Variants in DOCK9 observed in about 807,000 individuals in gnomAD.
DOCK9 encodes dedicator of cytokinesis protein 9.
Under a neutral mutation model 263.3 loss-of-function variants are expected in DOCK9, and 89 were observed. The observed-to-expected ratio is 0.34, with a 90% confidence interval of 0.28 to 0.40. The LOEUF (loss-of-function observed/expected upper bound fraction) is 0.40. Ranked by LOEUF, DOCK9 falls within the 10% of genes least tolerant of loss-of-function variation. The pLI, the probability that DOCK9 is intolerant of heterozygous loss-of-function variation, is 1.00. For missense variants in DOCK9, 2,140 were observed against 2,603.4 expected (o/e 0.82, Z 3.87); for synonymous variants, 976 against 973.1 (o/e 1.00, Z -0.06).
intron 1 of DOCK9, among the ~76,000 whole-genome samples, chr13:99,020,696 T>A (rs1311898770): frequency 6.6e-6 from 1 of 152,194 alleles, no homozygotes; most frequent in East Asian, 1.9e-4. Context: ...AAAAGAGGAA[T>A]CTAGAGTGAC....
chr13:98,869,576 G>T lies in DOCK9; in HGVS notation c.2944-1199C>A, dbSNP rs371734589. Among the ~76,000 whole-genome samples the T allele has an allele frequency of 2.6e-4, 40 of 152,322 alleles. 1 individual carries two copies. The highest frequency in any genetic ancestry group is 9.6e-4 in the African/African-American group (40 of 41,578). ...GCATTTAATTCTAACAGCCACAAGA[G>T]GGGGGTATTTTCATCCCCATTTTAC... On this transcript the variant is annotated intron_variant, in intron 27 of 52. Transcript: ENST00000682017.
intron 1 of DOCK9, among the ~76,000 whole-genome samples, chr13:99,044,515 G>A (rs996022358): frequency 2.0e-5 from 3 of 152,136 alleles, no homozygotes; most frequent in African/African-American, 7.2e-5. Flanking sequence ...ACCACACCAT[G>A]GCAACCAGAA....
At chr13:98,805,390 TATAC>T (rs2090582206) in intron 48 of DOCK9, among the ~76,000 whole-genome samples, 181 bp from the exon 49 acceptor site, 1 of 152,158 alleles carries the variant, frequency 6.6e-6, no homozygotes, top group South Asian at 2.1e-4. Context: ...TTGTTTCAAA[TATAC>T]ATACACATAC....
At chr13:98,944,488 G>T (rs186945953) in intron 2 of DOCK9, among the ~76,000 whole-genome samples, 1 of 150,908 alleles carries the variant, frequency 6.6e-6, no homozygotes, top group East Asian at 2.0e-4. Flanking sequence ...CACTGATCTT[G>T]TACCCTAACT....
chr13:98,893,133 T>C (rs2046881144), intron 15 of DOCK9, among the ~76,000 whole-genome samples: 2 of 152,164 alleles, frequency 1.3e-5, no homozygotes, highest in Admixed American at 1.3e-4. Flanking sequence ...AAGTCCCCAG[T>C]GGGTTTAGAG....
chr13:98,996,959 A>T (rs1881193512), intron 1 of DOCK9, among the ~76,000 whole-genome samples: 1 of 152,198 alleles, frequency 6.6e-6, no homozygotes, highest in African/African-American at 2.4e-5. Flanking sequence ...TCCAATCGGT[A>T]CTCATTCCTC....
At chr13:99,071,937 C>A (rs575155309) in intron 1 of DOCK9, among the ~76,000 whole-genome samples, 1 of 152,304 alleles carries the variant, frequency 6.6e-6, no homozygotes, top group South Asian at 2.1e-4. Context: ...AGTTCTGAAG[C>A]ACTAGTTTCC....
Position 98,893,789 on chromosome 13 carries a change from C to T in DOCK9, c.1709+3699G>A, listed in dbSNP as rs1384636747. Among the ~76,000 whole-genome samples the T allele has an allele frequency of 2.0e-5, 3 of 152,184 alleles. No individual in the cohort carries two copies. In the South Asian group the frequency reaches 6.2e-4, roughly 32 times the overall value. On this transcript the variant is annotated intron_variant, in intron 15 of 52. Coordinates refer to ENST00000682017, the MANE Select transcript of DOCK9 (RefSeq NM_001366683.2). ...GATTTTTAAAAAATGAAAAAGGAAT[C>T]CTCCACGTCCCCTAACTCTGTTGTG...
At chr13:99,071,916 C>G (rs578262432) in intron 1 of DOCK9, among the ~76,000 whole-genome samples, 14 of 152,322 alleles carry the variant, frequency 9.2e-5, no homozygotes, top group Middle Eastern at 3.4e-3. Flanking sequence ...TCTTCCTCAT[C>G]ATGGGGCATT....
chr13:98,839,293 G>A (rs1307186603), intron 38 of DOCK9, among the ~76,000 whole-genome samples: 1 of 152,182 alleles, frequency 6.6e-6, no homozygotes, highest in Non-Finnish European at 1.5e-5. Flanking sequence ...AGAAAATAAA[G>A]GTGGATATGT....
At chr13:99,015,321 T>G in intron 1 of DOCK9, 1 of 739,994 alleles carries the variant, frequency 1.4e-6, no homozygotes, top group Admixed American at 3.9e-5. Flanking sequence ...GGCCACTAAT[T>G]ACCCATTTAT....
intron 9 of DOCK9, among the ~76,000 whole-genome samples, chr13:98,905,033 G>T: frequency 6.6e-6 from 1 of 152,230 alleles, no homozygotes; most frequent in East Asian, 1.9e-4. Context: ...GACAGGCTTG[G>T]AATGAAGGGG....
At chr13:98,878,803 G>A (rs1217828924) in intron 27 of DOCK9, among the ~76,000 whole-genome samples, 4 of 152,190 alleles carry the variant, frequency 2.6e-5, no homozygotes, top group Non-Finnish European at 4.4e-5. Context: ...GAGGGCTTTA[G>A]GCCTGAACCA....
chr13:98,831,276 A>G, intron 41 of DOCK9, 72 bp downstream of exon 41: 1 of 1,457,154 alleles, frequency 6.9e-7, no homozygotes, highest in African/African-American at 1.4e-5. Flanking sequence ...GGTTAATGTG[A>G]TACTCAAAGT....
rs143113150 is a variant in DOCK9 at position 98,879,989 on chromosome 13, G to C, written c.2872-20C>G. 5,079 of 1,576,524 alleles carry C rather than the reference G, an allele frequency of 3.2e-3. 24 individuals are homozygous for C. Among genetic ancestry groups the C allele is most frequent in the Middle Eastern group, 0.015 (87 of 5,912 alleles). ...TGAGTACTAAAAGAAAAAAGAACAG[G>C]ACCCAGTAAGAACACAACAAACTGG... On this transcript the variant is annotated intron_variant, in intron 26 of 52. Transcript: ENST00000682017.
intron 1 of DOCK9, among the ~76,000 whole-genome samples, chr13:98,963,987 A>G (rs968489699): frequency 4.6e-5 from 7 of 152,260 alleles, no homozygotes; most frequent in Admixed American, 4.6e-4. Context: ...GGGTGGGCAC[A>G]GGAAAATAAC....
intron 45 of DOCK9, among the ~76,000 whole-genome samples, chr13:98,821,378 C>A (rs2140570945): frequency 6.6e-6 from 1 of 152,306 alleles, no homozygotes; most frequent in East Asian, 1.9e-4. Flanking sequence ...TAATTTCTCC[C>A]TTTCTCCCTA....
At chr13:98,973,044 A>C (rs1425671008) in intron 1 of DOCK9, among the ~76,000 whole-genome samples, 1 of 152,226 alleles carries the variant, frequency 6.6e-6, no homozygotes, top group Non-Finnish European at 1.5e-5. Flanking sequence ...TGTTCTTGTC[A>C]CTAGGAATAG....
chr13:99,015,373 AT>A, intron 1 of DOCK9: 1 of 1,249,900 alleles, frequency 8.0e-7, no homozygotes, highest in Admixed American at 2.8e-5. Context: ...AAATAAATAT[AT>A]TTGTTTACAA....
Sources: gnomAD v4.1 joint callset for allele counts (sites outside exome capture counted in the v4.1 genomes callset) on GRCh38, gnomAD v4.1.1 for gene constraint, MANE v1.5 for transcripts, NCBI Gene and HGNC (gene_info 2026-07-23, HGNC 2026-07-21) for gene names.